The following PLCL2 variants were observed in gnomAD, a reference collection of about 807,000 sequenced individuals.
PLCL2 encodes the protein phospholipase C like 2.
PLCL2 carries 4 observed loss-of-function variants against 79.6 expected under a neutral mutation model. That is an observed-to-expected ratio of 0.05 (90% confidence interval 0.02 to 0.11). The LOEUF (loss-of-function observed/expected upper bound fraction) is 0.11. Among genes scored for constraint, PLCL2 ranks in the 10% least tolerant of loss-of-function variants. The pLI is 1.00. For missense variants in PLCL2, 895 were observed against 1,291.0 expected (o/e 0.69, Z 4.70); for synonymous variants, 484 against 457.7 (o/e 1.06, Z -0.73).
chr3:16,904,363 T>C (rs1044697578), intron 1 of PLCL2, among the ~76,000 whole-genome samples: 1 of 151,270 alleles, frequency 6.6e-6, no homozygotes, highest in Non-Finnish European at 1.5e-5. Flanking sequence ...TTACTGGTTT[T>C]CTAGAGAACC....
At chr3:17,059,966 G>T (rs984264331) in intron 4 of PLCL2, among the ~76,000 whole-genome samples, 3 of 152,088 alleles carry the variant, frequency 2.0e-5, no homozygotes, top group African/African-American at 7.2e-5. Flanking sequence ...GGAAAGTATC[G>T]ATGTGAAAGT....
intron 1 of PLCL2, among the ~76,000 whole-genome samples, chr3:17,007,720 G>A (rs1378672064): frequency 1.3e-5 from 2 of 152,194 alleles, no homozygotes; most frequent in African/African-American, 4.8e-5. Context: ...ATAGAGTATA[G>A]CATAATAGCT....
chr3:17,045,759 G>A (rs2064773652), intron 4 of PLCL2, among the ~76,000 whole-genome samples: 1 of 152,186 alleles, frequency 6.6e-6, no homozygotes, highest in Non-Finnish European at 1.5e-5. Context: ...CAGGATGAAG[G>A]ATGTGAGGTC....
Position 17,090,357 on chromosome 3 carries a change from G to A in PLCL2, c.*445G>A. 3 of 608,510 alleles carry A rather than the reference G, an allele frequency of 4.9e-6. No individual in the cohort carries two copies. The highest frequency in any genetic ancestry group is 4.1e-6 in the Non-Finnish European group (2 of 485,704). 37.7% of individuals were successfully genotyped at this position (608,510 alleles called of 1,614,324 possible). On this transcript the variant is annotated 3_prime_UTR_variant, in exon 6 of 6. Transcript: ENST00000615277. ...GGGTTCTAGATGATTTTGGTGGCAT[G>A]CTTGCTGAGCCATAATTACTAAAGA... is the stretch of plus-strand genomic sequence containing the variant.
chr3:16,925,364 TC>T (rs2124938256), intron 1 of PLCL2, among the ~76,000 whole-genome samples: 1 of 152,328 alleles, frequency 6.6e-6, no homozygotes, highest in African/African-American at 2.4e-5. Flanking sequence ...TTGCTCATTT[TC>T]TTTATTGCTG....
At chr3:16,951,799 G>A (rs1219162737) in intron 1 of PLCL2, among the ~76,000 whole-genome samples, 1 of 151,904 alleles carries the variant, frequency 6.6e-6, no homozygotes, top group African/African-American at 2.4e-5. Flanking sequence ...ATTTCTGCAT[G>A]TATAGAATTC....
intron 3 of PLCL2, among the ~76,000 whole-genome samples, chr3:17,026,799 A>G (rs2064522012): frequency 6.6e-6 from 1 of 152,164 alleles, no homozygotes; most frequent in East Asian, 1.9e-4. Flanking sequence ...CCCAGGAGGC[A>G]GAGGTTGCAG....
chr3:17,082,481 AC>A (rs2065174476), intron 5 of PLCL2, among the ~76,000 whole-genome samples: 1 of 152,134 alleles, frequency 6.6e-6, no homozygotes, highest in South Asian at 2.1e-4. Context: ...GACATCTTAA[AC>A]ATGTAGTCTT....
rs114558692 is a variant in PLCL2, at chr3:16,985,320, T to C, written c.328-24354T>C. On this transcript the variant is annotated intron_variant, in intron 1 of 5. Transcript: ENST00000615277. ...TCATCTCCACTACATGCTTTTCTAGTACTTCCATAGTACGTGGCCCACAAC... is the reference window on the plus strand; with the variant it reads ...TCATCTCCACTACATGCTTTTCTAGCACTTCCATAGTACGTGGCCCACAAC... Among the ~76,000 whole-genome samples the C allele has an allele frequency of 2.3e-3, 344 of 152,270 alleles. 3 individuals carry two copies. Among genetic ancestry groups the C allele is most frequent in the African/African-American group, 7.8e-3 (322 of 41,522 alleles).
At chr3:16,989,388 C>T (rs1411985178) in intron 1 of PLCL2, among the ~76,000 whole-genome samples, 1 of 152,186 alleles carries the variant, frequency 6.6e-6, no homozygotes, top group East Asian at 1.9e-4. Flanking sequence ...CTGCTAGCCC[C>T]GCTTTGATTA....
intron 3 of PLCL2, among the ~76,000 whole-genome samples, chr3:17,018,003 G>A (rs542263246): frequency 1.3e-5 from 2 of 152,208 alleles, no homozygotes; most frequent in South Asian, 2.1e-4. Context: ...GGGTGAGCCT[G>A]GGACCTAGCT....
chr3:17,054,945 T>C (rs543836706), intron 4 of PLCL2, among the ~76,000 whole-genome samples: 2 of 152,290 alleles, frequency 1.3e-5, no homozygotes, highest in South Asian at 4.1e-4. Context: ...TTTTCCTTCT[T>C]CTAAGTGGCA....
Position 17,011,044 on chromosome 3 carries a change from A to G in PLCL2, c.1698A>G (p.Leu566=). 1 of 1,614,060 alleles carries G rather than the reference A, an allele frequency of 6.2e-7. No individual in the cohort carries two copies. The highest frequency in any genetic ancestry group is 8.5e-7 in the Non-Finnish European group (1 of 1,180,006). The change falls in exon 2 of 6, where the codon CTA becomes CTG. Residue 566 remains leucine, a synonymous_variant. Coordinates refer to ENST00000615277, the MANE Select transcript of PLCL2 (RefSeq NM_001144382.2). The surrounding 1 kb of genome is among the most constrained non-coding windows in gnomAD (Gnocchi z 7.9). The part of the protein sequence containing the change: ...PSPDVLKGKI[L]IKAKKLSSNC... Reference sequence around the variant, plus strand: ...CAGATGTCCTGAAAGGGAAAATACTAATTAAAGCAAAGAAGCTGTCCTCAA... The same window carrying G: ...CAGATGTCCTGAAAGGGAAAATACTGATTAAAGCAAAGAAGCTGTCCTCAA...
At chr3:16,980,496 C>A (rs560150512) in intron 1 of PLCL2, among the ~76,000 whole-genome samples, 1 of 146,464 alleles carries the variant, frequency 6.8e-6, no homozygotes, top group Non-Finnish European at 1.5e-5. Context: ...ACATCCCGGA[C>A]GGGGCGGCAG....
In PLCL2 at chr3:16,970,932, G is replaced by A. The variant is rs557289333; in HGVS notation, c.328-38742G>A. 7.2e-5 allele frequency among the ~76,000 whole-genome samples: 11 copies of A among 152,044 alleles called. No homozygotes were observed. The South Asian group carries it at 2.3e-3, about 32-fold the overall frequency. On this transcript the variant is annotated intron_variant, in intron 1 of 5. Coordinates refer to ENST00000615277, the MANE Select transcript of PLCL2 (RefSeq NM_001144382.2). Reference sequence around the variant, plus strand: ...TTGTTTGTTTTTTTCTTGTAAATTTGTTTGAGTTCATTGTAGATTCTGGAT... The same window carrying A: ...TTGTTTGTTTTTTTCTTGTAAATTTATTTGAGTTCATTGTAGATTCTGGAT...
At chr3:17,063,248 TCCTC>T (rs368292219) in intron 4 of PLCL2, among the ~76,000 whole-genome samples, 7 of 1,172 alleles carry the variant, frequency 6.0e-3, no homozygotes, top group African/African-American at 7.9e-3. Context: ...CTCCCTGCCT[TCCTC>T]CCTTCCTCCC....
At chr3:16,924,150 G>T (rs573712111) in intron 1 of PLCL2, among the ~76,000 whole-genome samples, 1 of 152,012 alleles carries the variant, frequency 6.6e-6, no homozygotes, top group Non-Finnish European at 1.5e-5. Flanking sequence ...TTTTTCCTGT[G>T]TATGGGCAAT....
At chr3:16,971,769 C>T (rs1158172504) in intron 1 of PLCL2, among the ~76,000 whole-genome samples, 1 of 152,066 alleles carries the variant, frequency 6.6e-6, no homozygotes, top group African/African-American at 2.4e-5. Flanking sequence ...CTTCATGTCC[C>T]TTGTAAGCTG....
intron 1 of PLCL2, among the ~76,000 whole-genome samples, chr3:16,900,139 C>CA (rs1403560828): frequency 6.6e-6 from 1 of 152,138 alleles, no homozygotes; most frequent in African/African-American, 2.4e-5. Flanking sequence ...ATCTTAATCT[C>CA]AGAGTCTTGA....
Sources: gnomAD v4.1 joint callset for allele counts (sites outside exome capture counted in the v4.1 genomes callset) on GRCh38, gnomAD v4.1.1 for gene constraint, Gnocchi (gnomAD v3.1) non-coding constraint, MANE v1.5 for transcripts, NCBI Gene and HGNC (gene_info 2026-07-23, HGNC 2026-07-21) for gene names.